TMEM151A: variants seen among roughly 807,000 people sequenced by gnomAD.
TMEM151A encodes the protein transmembrane protein 151A, also known as transmembrane protein 151.
A neutral mutation model predicts 33.7 loss-of-function variants in TMEM151A; 21 were observed. The observed-to-expected ratio is 0.62, with a 90% CI of 0.44 to 0.90. The LOEUF is 0.90. TMEM151A is among the 40% of genes least tolerant of loss of function. The probability of loss-of-function intolerance (pLI) is 0.00; values close to 1 mark genes in which losing one functional copy is unlikely to be tolerated. For missense variants in TMEM151A, 704 were observed against 697.7 expected, an observed-to-expected ratio of 1.01 and a Z score of -0.10; for synonymous variants, 374 against 330.3, an observed-to-expected ratio of 1.13 and a Z score of -1.43.
Position 66,292,203 on chromosome 11 carries a change from T to C in TMEM151A, c.75+115T>C, listed in dbSNP as rs1857462896. 1 of 916,630 alleles carries C rather than the reference T, an allele frequency of 1.1e-6. No homozygotes were observed. The highest frequency in any genetic ancestry group is 3.4e-5 in the East Asian group (1 of 29,358). The allele number at this position is 916,630 out of a possible 1,614,324, so 56.8% of individuals were successfully genotyped here. ...GAAGTCCCAGAGCCCCTACGGCCAA[T>C]GACGTCATTGGGGTCACCTGCGCCC... On this transcript the variant is annotated intron_variant, in intron 1 of 1. Coordinates refer to ENST00000327259, the MANE Select transcript of TMEM151A (RefSeq NM_153266.4). This position sits in a 1 kb window ranked among gnomAD's most constrained non-coding sequence, Gnocchi z 4.7.
chr11:66,294,614 G>C lies in TMEM151A; in HGVS notation c.368G>C (p.Arg123Pro). The C allele has an allele frequency of 6.2e-7, 1 of 1,612,216 alleles. No individual in the cohort carries two copies. The highest frequency in any genetic ancestry group is 8.5e-7 in the Non-Finnish European group (1 of 1,179,298). Residue 123 changes from arginine to proline, a missense_variant, in exon 2 of 2, where the codon CGG (arginine) becomes CCG (proline). Physicochemically the swap from Arg to Pro is moderately radical, Grantham distance 103. Coordinates refer to ENST00000327259, the MANE Select transcript of TMEM151A (RefSeq NM_153266.4). ...GCTGAGTGCTGGCACTGTCACGTGC[G>C]GTCCTGCCAGGCGCCACGCACCGAC... is the stretch of plus-strand genomic sequence containing the variant. ...YLAECWHCHVRSCQAPRTDAH... is the reference protein window; with the variant it reads ...YLAECWHCHVPSCQAPRTDAH...
chr11:66,294,514 C>A lies in TMEM151A; in HGVS notation c.268C>A (p.Pro90Thr). The A allele has an allele frequency of 6.2e-7, 1 of 1,608,800 alleles. No individual in the cohort carries two copies. The highest frequency in any genetic ancestry group is 8.5e-7 in the Non-Finnish European group (1 of 1,177,620). ...RGAGGPPPTY[P>T]ASPCSDGYLY... ...AGCCGGGGGCCCGCCACCGACCTAC[C>A]CGGCCAGCCCCTGCTCCGATGGCTA... The change falls in exon 2 of 2, where the codon CCG (proline) becomes ACG (threonine). Residue 90 changes from proline to threonine, a missense_variant. Transcript: ENST00000327259.
At chr11:66,294,213 T>C in intron 1 of TMEM151A, 109 bp from the exon 2 acceptor site, 6 of 1,498,674 alleles carry the variant, frequency 4.0e-6, no homozygotes, top group Non-Finnish European at 5.4e-6. Context: ...TTTCCTCCTC[T>C]GTAAAATGGG....
Position 66,292,545 on chromosome 11 carries a change from G to A in TMEM151A, c.75+457G>A, listed in dbSNP as rs1023729640. Among the ~76,000 whole-genome samples, 2 of 152,184 alleles carry A rather than the reference G, an allele frequency of 1.3e-5. No homozygotes were observed. The highest frequency in any genetic ancestry group is 2.9e-5 in the Non-Finnish European group (2 of 68,018). On this transcript the variant is annotated intron_variant, in intron 1 of 1. Transcript: ENST00000327259. The surrounding 1 kb of genome is among the most constrained non-coding windows in gnomAD (Gnocchi z 4.7). ...AGGCGCCTGGGTACCCCTTCTCCTT[G>A]TCCTCGAGGTGAGGATTGAGGGCCC... is the stretch of plus-strand genomic sequence containing the variant.
rs1380244047 is a variant in TMEM151A at position 66,295,776 on chromosome 11, A to AGGGTGG, written c.*134_*139dup. ...CAGCCACACACAAGGGGCAGGGGTG[A>AGGGTGG]GGGTGGGGGTGGGGGTCCTTAAACA... On this transcript the variant is annotated 3_prime_UTR_variant, in exon 2 of 2. Transcript: ENST00000327259. 4 of 526,462 alleles carry AGGGTGG rather than the reference A, an allele frequency of 7.6e-6. No homozygotes were observed. The highest frequency in any genetic ancestry group is 7.0e-5 in the East Asian group (1 of 14,376). The allele number at this position is 526,462 out of a possible 1,614,324, so 32.6% of individuals were successfully genotyped here.
chr11:66,294,445 G>T lies in TMEM151A; in HGVS notation c.199G>T (p.Val67Leu). Residue 67 changes from valine to leucine, a missense_variant, in exon 2 of 2, where the codon GTG becomes TTG. Transcript: ENST00000327259. ...GGTGGCCTGGTGTCGCCTGGCCACAGTGCCGCGGCTGGTCCTGGGGCCCGA... is the reference window on the plus strand; with the variant it reads ...GGTGGCCTGGTGTCGCCTGGCCACATTGCCGCGGCTGGTCCTGGGGCCCGA... ...AVVAWCRLAT[V>L]PRLVLGPEAA... is the part of the protein sequence containing the mutation. The T allele has an allele frequency of 6.2e-7, 1 of 1,610,064 alleles. No homozygotes were observed.
rs1261467836 is a variant in TMEM151A at position 66,294,355 on chromosome 11, C to T, written c.109C>T (p.Leu37=). 6.2e-7 allele frequency: 1 copy of T among 1,610,400 alleles called. No homozygotes were observed. The change falls in exon 2 of 2, where the codon CTG becomes TTG. Residue 37 remains leucine (L), a synonymous_variant. Transcript: ENST00000327259. ...RPLKQSLGSS[L]CRESHWKCLL... ...CCTGAAACAGTCCCTGGGAAGCTCC[C>T]TGTGCCGCGAGTCGCACTGGAAGTG...
At chr11:66,293,761 A>G (rs981338064) in intron 1 of TMEM151A, among the ~76,000 whole-genome samples, 1 of 152,112 alleles carries the variant, frequency 6.6e-6, no homozygotes, top group Non-Finnish European at 1.5e-5. Flanking sequence ...CTCACAATAG[A>G]ACCAGTTTAC....
At position 66,292,019 on chromosome 11, in the gene TMEM151A, C is replaced by T. The variant is rs1266651311; in HGVS notation, c.6C>T (p.Pro2=). The T allele has an allele frequency of 6.0e-6, 9 of 1,503,680 alleles. No homozygotes were observed. In the East Asian group the frequency reaches 2.2e-4, roughly 37 times the overall value. The allele number at this position is 1,503,680 out of a possible 1,614,324, so 93.1% of individuals were successfully genotyped here. The change falls in exon 1 of 2, where the codon CCC becomes CCT. Residue 2 remains proline, a synonymous_variant. Coordinates refer to ENST00000327259, the MANE Select transcript of TMEM151A (RefSeq NM_153266.4). This position sits in a 1 kb window ranked among gnomAD's most constrained non-coding sequence, Gnocchi z 4.7. M[P]EDGAGDGGEV... The stretch of plus-strand genomic sequence containing the variant: ...GCCCAAGCAGCCAGGACACCATGCC[C>T]GAGGACGGCGCTGGCGACGGCGGGG...
Position 66,294,889 on chromosome 11 carries a change from G to A in TMEM151A, c.643G>A (p.Ala215Thr). The A allele has an allele frequency of 6.5e-7, 1 of 1,536,578 alleles. No individual in the cohort carries two copies. Among genetic ancestry groups the A allele is most frequent in the Non-Finnish European group, 8.7e-7 (1 of 1,145,558 alleles). ...GCTGGTGGGGCTGGCGGAGCACGCG[G>A]CCACGCGGCTGCGCTTCACCAAGTG... Reference protein sequence around the residue: ...KELVGLAEHAATRLRFTKCFS... With the variant: ...KELVGLAEHATTRLRFTKCFS... The change falls in exon 2 of 2, where the codon GCC becomes ACC. Residue 215 changes from alanine (A) to threonine (T), a missense_variant. Transcript: ENST00000327259.
At chr11:66,293,818 C>T (rs1857480468) in intron 1 of TMEM151A, among the ~76,000 whole-genome samples, 1 of 152,190 alleles carries the variant, frequency 6.6e-6, no homozygotes, top group Non-Finnish European at 1.5e-5. Flanking sequence ...CTGCCCAAGT[C>T]ATACAGTAAG....
At position 66,294,541 on chromosome 11, in the gene TMEM151A, C is replaced by G. The variant is rs765920755; in HGVS notation, c.295C>G (p.Leu99Val). Reference sequence around the variant, plus strand: ...GGCCAGCCCCTGCTCCGATGGCTACCTGTACATCCCGCTGGCCTTCGTCTC... The same window carrying G: ...GGCCAGCCCCTGCTCCGATGGCTACGTGTACATCCCGCTGGCCTTCGTCTC... ...YPASPCSDGY[L>V]YIPLAFVSLL... Residue 99 changes from leucine to valine, a missense_variant, in exon 2 of 2, where the codon CTG (leucine) becomes GTG (valine). Leu to Val is a conservative substitution (Grantham distance 32, BLOSUM62 1). Coordinates refer to ENST00000327259, the MANE Select transcript of TMEM151A (RefSeq NM_153266.4). The G allele has an allele frequency of 6.2e-7, 1 of 1,612,840 alleles. No individual in the cohort carries two copies. Among genetic ancestry groups the G allele is most frequent in the South Asian group, 1.1e-5 (1 of 91,042 alleles).
chr11:66,293,044 G>A (rs570644887), intron 1 of TMEM151A, among the ~76,000 whole-genome samples: 8 of 152,230 alleles, frequency 5.3e-5, no homozygotes, highest in East Asian at 1.9e-4. Context: ...ACCATGCTAC[G>A]GTTCTGGGAG....
chr11:66,294,731 C>A lies in TMEM151A; in HGVS notation c.485C>A (p.Thr162Lys), dbSNP rs775988987. The change falls in exon 2 of 2, where the codon ACA becomes AAA. Residue 162 changes from threonine to lysine, a missense_variant. Thr to Lys is a moderately conservative substitution (Grantham distance 78). This residue lies in a region of TMEM151A where 301 missense variants were observed against 323.4 expected (regional missense o/e 0.93). Transcript: ENST00000327259. ...ACCAGCTATCACTACGTGCGGCGCACACGCCAGATCACGCGCTACCGCAAC... is the reference window on the plus strand; with the variant it reads ...ACCAGCTATCACTACGTGCGGCGCAAACGCCAGATCACGCGCTACCGCAAC... ...KATSYHYVRR[T>K]RQITRYRNGD... is the part of the protein sequence containing the mutation. The A allele has an allele frequency of 1.3e-6, 2 of 1,553,974 alleles. No homozygotes were observed. The highest frequency in any genetic ancestry group is 8.7e-7 in the Non-Finnish European group (1 of 1,150,236).
rs1565190934 is a variant in TMEM151A at position 66,296,375 on chromosome 11, CCCT to C, written c.*725_*727del. On this transcript the variant is annotated 3_prime_UTR_variant, in exon 2 of 2. Coordinates refer to ENST00000327259, the MANE Select transcript of TMEM151A (RefSeq NM_153266.4). Reference sequence around the variant, plus strand: ...CACACGCAGGGACGCCCGTTCCTTGCCCTCCCGGACTTATCTACTCTTCACTTT... The same window carrying C: ...CACACGCAGGGACGCCCGTTCCTTGCCCCGGACTTATCTACTCTTCACTTT... The C allele has an allele frequency of 6.5e-6, 1 of 152,976 alleles. No individual in the cohort carries two copies. Among genetic ancestry groups the C allele is most frequent in the Non-Finnish European group, 1.5e-5 (1 of 68,326 alleles). 9.5% of individuals were successfully genotyped at this position (152,976 alleles called of 1,614,324 possible). A position where few individuals can be genotyped will look rare whatever the true frequency, so the allele number is the denominator to read the frequency against.
In TMEM151A at chr11:66,294,371, A is replaced by C; in HGVS notation, c.125A>C (p.His42Pro). The change falls in exon 2 of 2, where the codon CAC becomes CCC. Residue 42 changes from histidine (H) to proline (P), a missense_variant. This residue lies in a region of TMEM151A where 301 missense variants were observed against 323.4 expected (regional missense o/e 0.93). Coordinates refer to ENST00000327259, the MANE Select transcript of TMEM151A (RefSeq NM_153266.4). ...GGAAGCTCCCTGTGCCGCGAGTCGC[A>C]CTGGAAGTGCCTGCTCCTCACGCTG... ...SLGSSLCRES[H>P]WKCLLLTLLI... is the part of the protein sequence containing the mutation. 6.2e-7 allele frequency: 1 copy of C among 1,611,150 alleles called. No homozygotes were observed. Among genetic ancestry groups the C allele is most frequent in the Non-Finnish European group, 8.5e-7 (1 of 1,179,888 alleles).
Position 66,292,200 on chromosome 11 carries a change from C to A in TMEM151A, c.75+112C>A. 1 of 943,770 alleles carries A rather than the reference C, an allele frequency of 1.1e-6. No homozygotes were observed. The highest frequency in any genetic ancestry group is 1.4e-6 in the Non-Finnish European group (1 of 690,586). The allele number at this position is 943,770 out of a possible 1,614,324, so 58.5% of individuals were successfully genotyped here. ...AGGGAAGTCCCAGAGCCCCTACGGC[C>A]AATGACGTCATTGGGGTCACCTGCG... On this transcript the variant is annotated intron_variant, in intron 1 of 1. Transcript: ENST00000327259. The surrounding 1 kb of genome is among the most constrained non-coding windows in gnomAD (Gnocchi z 4.7).
chr11:66,295,318 C>A lies in TMEM151A; in HGVS notation c.1072C>A (p.Pro358Thr). The change falls in exon 2 of 2, where the codon CCC becomes ACC. Residue 358 changes from proline to threonine, a missense_variant. By Grantham distance (38) the Pro-to-Thr change is conservative. This residue lies in a region of TMEM151A where 398 missense variants were observed against 356.0 expected (regional missense o/e 1.12). Coordinates refer to ENST00000327259, the MANE Select transcript of TMEM151A (RefSeq NM_153266.4). Reference protein sequence around the residue: ...WHICSNRQLVPSYSEAVVMGA... With the variant: ...WHICSNRQLVTSYSEAVVMGA... The stretch of plus-strand genomic sequence containing the variant: ...CATCTGCTCCAACCGGCAGCTGGTG[C>A]CCAGCTACTCGGAGGCCGTGGTCAT... 1 of 1,587,810 alleles carries A rather than the reference C, an allele frequency of 6.3e-7. No individual in the cohort carries two copies. Among genetic ancestry groups the A allele is most frequent in the Non-Finnish European group, 8.6e-7 (1 of 1,168,026 alleles).
chr11:66,294,470 A>AGGCC lies in TMEM151A; in HGVS notation c.226_229dup (p.Ala77GlyfsTer41), dbSNP rs1857488213. 2.7e-5 allele frequency: 44 copies of AGGCC among 1,606,760 alleles called. No individual in the cohort carries two copies. The highest frequency in any genetic ancestry group is 3.7e-5 in the Non-Finnish European group (44 of 1,176,670). On this transcript the variant is annotated frameshift_variant, in exon 2 of 2. Transcript: ENST00000327259. LOFTEE classifies it high-confidence loss of function. ...GTGCCGCGGCTGGTCCTGGGGCCCG[A>AGGCC]GGCCGCCTTGGCCCGGGGAGCCGGG...
Sources: gnomAD v4.1 joint callset for allele counts (sites outside exome capture counted in the v4.1 genomes callset) on GRCh38, gnomAD v4.1.1 for gene constraint, gnomAD v4.1.1 regional missense constraint, Gnocchi (gnomAD v3.1) non-coding constraint, MANE v1.5 for transcripts, NCBI Gene and HGNC (gene_info 2026-07-23, HGNC 2026-07-21) for gene names.